GAK: variants seen among roughly 807,000 people sequenced by gnomAD.
GAK encodes cyclin G associated kinase.
GAK carries 79 observed loss-of-function variants against 143.9 expected under a neutral mutation model. The observed-to-expected ratio is 0.55, with a 90% CI of 0.46 to 0.66. GAK has a LOEUF of 0.66. GAK is among the 30% of genes least tolerant of loss of function. The probability of loss-of-function intolerance (pLI) is 0.00; values close to 1 mark genes in which losing one functional copy is unlikely to be tolerated. For synonymous variants in GAK, 881 were observed against 765.5 expected, an observed-to-expected ratio of 1.15 and a Z score of -2.49; for missense variants, 1,693 against 1,779.7, an observed-to-expected ratio of 0.95 and a Z score of 0.88.
At chr4:885,923 C>A (rs1716240164) in intron 11 of GAK, 2 of 152,394 alleles carry the variant, frequency 1.3e-5, no homozygotes, top group African/African-American at 2.4e-5. Flanking sequence ...CACGCCACCT[C>A]GCCCAGCTAA....
intron 14 of GAK, among the ~76,000 whole-genome samples, chr4:882,371 T>C (rs1040415713): frequency 6.6e-6 from 1 of 152,154 alleles, no homozygotes; most frequent in Non-Finnish European, 1.5e-5. Context: ...CAAGCACCAC[T>C]AAGCCTCGAG....
Position 880,495 on chromosome 4 carries a change from G to A in GAK, c.1661+1412C>T, listed in dbSNP as rs56724274. On this transcript the variant is annotated intron_variant, in intron 15 of 27. Transcript: ENST00000314167. Reference sequence around the variant, plus strand: ...TTATAGTAGCTGCGCCCCCTTGCCCGGCCCTCACTCTCCCATCTGTCCTGT... The same window carrying A: ...TTATAGTAGCTGCGCCCCCTTGCCCAGCCCTCACTCTCCCATCTGTCCTGT... Among the ~76,000 whole-genome samples, 358 of 152,168 alleles carry A rather than the reference G, an allele frequency of 2.4e-3. 3 individuals carry two copies. The highest frequency in any genetic ancestry group is 7.9e-3 in the African/African-American group (329 of 41,520).
intron 6 of GAK, among the ~76,000 whole-genome samples, chr4:896,894 C>T (rs1357672407): frequency 1.3e-5 from 2 of 152,270 alleles, no homozygotes; most frequent in African/African-American, 4.8e-5. Context: ...AAGGGCCCCG[C>T]TCCAGAGTGG....
intron 15 of GAK, among the ~76,000 whole-genome samples, chr4:878,636 T>C (rs1170219304): frequency 1.3e-5 from 2 of 152,194 alleles, no homozygotes; most frequent in Non-Finnish European, 2.9e-5. Flanking sequence ...GAGACGAAAA[T>C]ATTGAGGTCT....
At chr4:912,882 A>ACAGAG (rs1156906697) in intron 2 of GAK, 88 bp from the exon 3 acceptor site, 2 of 1,129,434 alleles carry the variant, frequency 1.8e-6, no homozygotes, top group Non-Finnish European at 2.6e-6. Flanking sequence ...TAAGCACGCA[A>ACAGAG]CAGAGCAATG....
intron 25 of GAK, 200 bp downstream of exon 25, chr4:851,550 C>A (rs1272666021): frequency 8.2e-6 from 5 of 611,488 alleles, no homozygotes; most frequent in Non-Finnish European, 1.4e-5. Context: ...GAAGGTGTCA[C>A]TGGAACAAGA....
intron 1 of GAK, among the ~76,000 whole-genome samples, chr4:918,937 C>A (rs13104537): frequency 8.6e-5 from 3 of 34,882 alleles, no homozygotes; most frequent in Non-Finnish European, 1.4e-4. Context: ...CCTCAGTGCC[C>A]CATGACCTTA....
chr4:889,508 G>A (rs1039568771), intron 10 of GAK, among the ~76,000 whole-genome samples: 5 of 152,000 alleles, frequency 3.3e-5, no homozygotes, highest in African/African-American at 1.2e-4. Context: ...AGGCAGCACC[G>A]AGCAGATGGG....
At chr4:859,447 G>A in intron 24 of GAK, 159 bp downstream of exon 24, 2 of 1,589,594 alleles carry the variant, frequency 1.3e-6, no homozygotes, top group Non-Finnish European at 1.7e-6. Context: ...TGGAACAGGT[G>A]CAGACACGCT....
intron 11 of GAK, among the ~76,000 whole-genome samples, chr4:885,522 CG>C (rs1391396198): frequency 6.6e-6 from 1 of 152,188 alleles, no homozygotes; most frequent in Admixed American, 6.5e-5. Context: ...AGCAGCCCTG[CG>C]GGGGCCCCAT....
chr4:872,549 C>G (rs1233603064), intron 18 of GAK: 1 of 152,456 alleles, frequency 6.6e-6, no homozygotes, highest in Non-Finnish European at 1.5e-5. Context: ...CGGCCACGAC[C>G]GAGGGCGGAG....
At chr4:857,332 T>G (rs76848809) in intron 24 of GAK, among the ~76,000 whole-genome samples, 9,667 of 152,246 alleles carry the variant, frequency 0.063, 638 homozygotes, top group African/African-American at 0.17. Context: ...ATGAGCTTCG[T>G]AAAATCAATT....
intron 5 of GAK, among the ~76,000 whole-genome samples, chr4:902,614 A>AAAAAAAAAAAC (rs796109765): frequency 2.0e-5 from 3 of 148,292 alleles, no homozygotes; most frequent in South Asian, 2.1e-4. Flanking sequence ...AAAAAAAAAA[A>AAAAAAAAAAAC]CCCCAAAAAA....
intron 23 of GAK, among the ~76,000 whole-genome samples, chr4:862,697 C>A (rs190537596): frequency 1.5e-4 from 23 of 151,334 alleles, no homozygotes; most frequent in Non-Finnish European, 1.0e-4. Flanking sequence ...TCGGCTTGTG[C>A]CATAGAAATG....
chr4:874,373 C>T (rs1713379805), intron 18 of GAK, among the ~76,000 whole-genome samples: 1 of 152,204 alleles, frequency 6.6e-6, no homozygotes, highest in Non-Finnish European at 1.5e-5. Context: ...GCAGGCTTGC[C>T]TTGGATACTT....
Position 911,861 on chromosome 4 carries a change from C to T in GAK, c.268-74G>A, listed in dbSNP as rs866398414. On this transcript the variant is annotated intron_variant, in intron 3 of 27. Coordinates refer to ENST00000314167, the MANE Select transcript of GAK (RefSeq NM_005255.4). ...CTGTGCACTTCAAAATAAATGTAGA[C>T]AATATTAACACACTGAAGTCAGAAT... is the stretch of plus-strand genomic sequence containing the variant. 57 of 1,114,320 alleles carry T rather than the reference C, an allele frequency of 5.1e-5. No homozygotes were observed. In the Middle Eastern group the frequency reaches 1.8e-3, roughly 35 times the overall value. 69.0% of individuals were successfully genotyped at this position (1,114,320 alleles called of 1,614,324 possible).
intron 5 of GAK, among the ~76,000 whole-genome samples, chr4:901,323 G>A (rs991806269): frequency 1.3e-5 from 2 of 152,298 alleles, no homozygotes; most frequent in East Asian, 1.9e-4. Flanking sequence ...GGAGAGCCAC[G>A]GCCTTGGATC....
chr4:849,816 G>GGGGGCGGGC (rs1560263929), intron 27 of GAK, 42 bp from the exon 28 acceptor site: 7 of 1,528,160 alleles, frequency 4.6e-6, no homozygotes, highest in Admixed American at 1.9e-5. Context: ...ATAAGCATGC[G>GGGGGCGGGC]GGGGCGGGCG....
At chr4:896,815 C>A (rs1016246253) in intron 6 of GAK, among the ~76,000 whole-genome samples, 1 of 152,260 alleles carries the variant, frequency 6.6e-6, no homozygotes, top group South Asian at 2.1e-4. Flanking sequence ...CATGGCATGT[C>A]GGCACCGACG....
Sources: allele counts gnomAD v4.1 joint callset (sites outside exome capture counted in the v4.1 genomes callset), GRCh38; gene constraint gnomAD v4.1.1; transcripts MANE v1.5; gene names NCBI Gene and HGNC (gene_info 2026-07-23, HGNC 2026-07-21).